Variants in BCCIP observed in about 807,000 individuals in gnomAD.
BCCIP encodes BRCA2 and CDKN1A interacting protein, also known as BRCA2 and CDKN1A-interacting protein.
Under a neutral mutation model 32.8 loss-of-function variants are expected in BCCIP, and 23 were observed. The ratio of observed to expected loss-of-function variants is 0.70; its 90% CI spans 0.51 to 0.99. The LOEUF (loss-of-function observed/expected upper bound fraction) is 0.99, where lower values mean the gene tolerates loss of function less well. BCCIP is among the 50% of genes least tolerant of loss of function. The pLI is 0.00. For synonymous variants in BCCIP, 144 were observed against 137.6 expected, an observed-to-expected ratio of 1.05 and a Z score of -0.33; for missense variants, 378 against 379.8, an observed-to-expected ratio of 1.00 and a Z score of 0.04.
At chr10:125,853,043 C>T in intron 7 of BCCIP, 2 of 1,043,028 alleles carry the variant, frequency 1.9e-6, no homozygotes, top group Non-Finnish European at 1.4e-6. Flanking sequence ...GTGGTCTCAC[C>T]TTTACAACAC....
In BCCIP at chr10:125,851,943, A is replaced by G. The variant is rs768685021; in HGVS notation, c.851-1182A>G. 1.3e-3 allele frequency among the ~76,000 whole-genome samples: 184 copies of G among 145,758 alleles called. 1 individual carries two copies. The highest frequency in any genetic ancestry group is 2.4e-3 in the Non-Finnish European group (158 of 65,630). On this transcript the variant is annotated intron_variant, in intron 7 of 7. Coordinates refer to the BCCIP transcript ENST00000368759. ...CTCAAAAAAAAAAAAAAAAAAAAAG[A>G]AAAGAAAAAAGGACAATTCAAGCTG...
chr10:125,829,212 C>A (rs1211622640), intron 3 of BCCIP, among the ~76,000 whole-genome samples: 2 of 152,146 alleles, frequency 1.3e-5, no homozygotes, highest in Non-Finnish European at 2.9e-5. Flanking sequence ...CCATTTCTGT[C>A]TCTGAAAATG....
chr10:125,839,093 G>A (rs755929633), downstream of BCCIP: 4 of 1,614,042 alleles, frequency 2.5e-6, no homozygotes, highest in African/African-American at 1.3e-5. Context: ...AGCTCGATTC[G>A]CTTGATAATT....
chr10:125,827,487 G>A (rs1590050282), intron 2 of BCCIP, 71 bp from the exon 3 acceptor site: 3 of 1,056,956 alleles, frequency 2.8e-6, no homozygotes, highest in East Asian at 4.9e-5. Context: ...GTTTGTATTT[G>A]AATATAGGAT....
chr10:125,844,974 G>A (rs371296104), downstream of BCCIP, among the ~76,000 whole-genome samples: 48 of 152,328 alleles, frequency 3.2e-4, no homozygotes, highest in South Asian at 9.5e-3. Context: ...CTGTGTGCCT[G>A]TTTTCTGTGG....
intron 1 of BCCIP, among the ~76,000 whole-genome samples, chr10:125,824,047 A>AG (rs1590045490): frequency 1.3e-5 from 2 of 152,162 alleles, no homozygotes; most frequent in African/African-American, 4.8e-5. Context: ...GGGCTCGCAG[A>AG]GGGGGCCCTC....
chr10:125,838,190 TCTC>T (rs1854758133), downstream of BCCIP: 1 of 1,556,132 alleles, frequency 6.4e-7, no homozygotes, highest in Non-Finnish European at 8.6e-7. Flanking sequence ...AACCCTTTCT[TCTC>T]CATTAAACTT....
chr10:125,834,206 A>T (rs1345628855), intron 6 of BCCIP, among the ~76,000 whole-genome samples: 1 of 152,214 alleles, frequency 6.6e-6, no homozygotes, highest in Non-Finnish European at 1.5e-5. Context: ...ACCTGTTAAG[A>T]ATGATTAGGC....
downstream of BCCIP, chr10:125,839,088 G>A (rs376376556): frequency 1.2e-5 from 19 of 1,614,068 alleles, no homozygotes; most frequent in Admixed American, 5.0e-5. Flanking sequence ...AGGGAAGCTC[G>A]ATTCGCTTGA....
chr10:125,841,769 A>C (rs755621661), exon 7 of BCCIP: 1 of 1,610,656 alleles, frequency 6.2e-7, no homozygotes, highest in South Asian at 1.1e-5. Flanking sequence ...GATTGTTAGC[A>C]CTTCATCTAC....
downstream of BCCIP, chr10:125,841,445 T>A: frequency 6.5e-7 from 1 of 1,550,070 alleles, no homozygotes; most frequent in Non-Finnish European, 8.7e-7. Flanking sequence ...ACACCTCTAG[T>A]GACACATTTT....
chr10:125,823,778 GC>G, intron 1 of BCCIP, 56 bp downstream of exon 1: 1 of 1,594,722 alleles, frequency 6.3e-7, no homozygotes, highest in East Asian at 2.2e-5. Flanking sequence ...TTTTTGGCAA[GC>G]CCAGGCTGTG....
chr10:125,846,913 T>C (rs976392275), downstream of BCCIP, among the ~76,000 whole-genome samples: 1 of 152,188 alleles, frequency 6.6e-6, no homozygotes, highest in Non-Finnish European at 1.5e-5. Context: ...TAACGGGTCA[T>C]TAACTAGTAC....
chr10:125,845,824 C>T (rs1036718045), downstream of BCCIP, among the ~76,000 whole-genome samples: 4 of 152,258 alleles, frequency 2.6e-5, no homozygotes, highest in Non-Finnish European at 5.9e-5. Flanking sequence ...CCACCCGCAC[C>T]GTGAGGCAGG....
intron 1 of BCCIP, 79 bp downstream of exon 1, chr10:125,823,801 T>C: frequency 6.4e-7 from 1 of 1,567,466 alleles, no homozygotes; most frequent in Non-Finnish European, 8.7e-7. Context: ...AAAAATAGTG[T>C]AGGGTCTTCC....
chr10:125,847,150 A>G (rs909176125), downstream of BCCIP, among the ~76,000 whole-genome samples: 4 of 145,932 alleles, frequency 2.7e-5, no homozygotes, highest in African/African-American at 9.9e-5. Flanking sequence ...GAAAACACCC[A>G]TTGTATGGTC....
chr10:125,832,800 ATCTTTTTTTTTT>A (rs66872334), intron 5 of BCCIP, among the ~76,000 whole-genome samples: 19,394 of 147,480 alleles, frequency 0.13, 1,636 homozygotes, highest in Admixed American at 0.3. Flanking sequence ...ACAAGACCCT[ATCTTTTTTTTTT>A]TCTTTTTTTT....
At chr10:125,840,670 G>A (rs879008342), downstream of BCCIP, among the ~76,000 whole-genome samples, 8 of 152,374 alleles carry the variant, frequency 5.3e-5, no homozygotes, top group South Asian at 2.1e-4. Context: ...GGAGCAGGGG[G>A]ACTGAGCATC....
At chr10:125,837,047 G>T (rs1854713839), downstream of BCCIP, among the ~76,000 whole-genome samples, 1 of 152,174 alleles carries the variant, frequency 6.6e-6, no homozygotes, top group Admixed American at 6.6e-5. Flanking sequence ...CAATCCTGTT[G>T]CATTTCTAGA....
Sources: gnomAD v4.1 joint callset for allele counts (sites outside exome capture counted in the v4.1 genomes callset) on GRCh38, gnomAD v4.1.1 for gene constraint, MANE v1.5 for transcripts, NCBI Gene and HGNC (gene_info 2026-07-23, HGNC 2026-07-21) for gene names.